Variants in RGS20 observed in about 807,000 individuals in gnomAD.
RGS20 encodes gz-selective GTPase-activating protein.
In RGS20, 30 loss-of-function variants were observed where a neutral mutation model predicts 33.6. The ratio of observed to expected loss-of-function variants is 0.89; its 90% CI spans 0.67 to 1.21. The LOEUF (loss-of-function observed/expected upper bound fraction) is 1.21. RGS20 is among the 50% of genes most tolerant of loss of function. The pLI, the probability that RGS20 is intolerant of heterozygous loss-of-function variation, is 0.00. For synonymous variants in RGS20, 208 were observed against 197.9 expected (o/e 1.05, Z -0.43); for missense variants, 472 against 502.4 (o/e 0.94, Z 0.58).
intron 2 of RGS20, among the ~76,000 whole-genome samples, chr8:53,888,081 T>G (rs1199868443): frequency 6.6e-6 from 1 of 152,226 alleles, no homozygotes; most frequent in African/African-American, 2.4e-5. Context: ...CATTGTGTTT[T>G]TACAAATACT....
At chr8:53,954,426 G>A (rs552443544) in intron 5 of RGS20, 116 bp downstream of exon 4, 9 of 657,844 alleles carry the variant, frequency 1.4e-5, no homozygotes, top group Admixed American at 1.2e-4. Flanking sequence ...CACTTTGGGA[G>A]GCTGAGGCGG....
At chr8:53,868,678 A>G (rs1788473610) in intron 1 of RGS20, among the ~76,000 whole-genome samples, 1 of 151,974 alleles carries the variant, frequency 6.6e-6, no homozygotes, top group Non-Finnish European at 1.5e-5. Context: ...ATGTATGTCT[A>G]TATTAGATAT....
chr8:53,956,516 A>C (rs566385260), intron 5 of RGS20, among the ~76,000 whole-genome samples: 11 of 152,332 alleles, frequency 7.2e-5, no homozygotes, highest in African/African-American at 2.6e-4. Context: ...GTGAGGGCCT[A>C]GCTAGGCCAG....
chr8:53,884,235 A>G (rs1812476607), intron 2 of RGS20, among the ~76,000 whole-genome samples: 1 of 123,622 alleles, frequency 8.1e-6, no homozygotes, highest in Non-Finnish European at 1.6e-5. Flanking sequence ...TCACTCTCTC[A>G]CCCAGGCTGG....
At chr8:53,879,803 G>T (rs1424829959) in intron 2 of RGS20, 5 of 476,400 alleles carry the variant, frequency 1.0e-5, no homozygotes, top group Non-Finnish European at 1.4e-5. Context: ...CTCCCCGCGG[G>T]AAGACACTCC....
chr8:53,853,924 G>A (rs1196338399), intron 1 of RGS20, among the ~76,000 whole-genome samples: 4 of 152,208 alleles, frequency 2.6e-5, no homozygotes, highest in African/African-American at 9.7e-5. Context: ...AGTGAAAGCA[G>A]TGAAATCTAA....
At chr8:53,864,021 T>G (rs143600764) in intron 1 of RGS20, among the ~76,000 whole-genome samples, 1 of 152,176 alleles carries the variant, frequency 6.6e-6, no homozygotes, top group Non-Finnish European at 1.5e-5. Flanking sequence ...CATTTTATCT[T>G]CTATAAAATC....
At position 53,954,264 on chromosome 8, in the gene RGS20, C is replaced by T; in HGVS notation, c.932C>T (p.Ala311Val). ...AATAAAAACATTATTGAAGAGAAAG[C>T]AAGGATAATCTATGAAGACTACATT... Residue 311 changes from alanine (A) to valine (V), a missense_variant, in exon 5 of 6, where the codon GCA (alanine) becomes GTA (valine). Around this residue, in one of 3 missense-constraint regions of RGS20, gnomAD observed 125 missense variants for 169.5 expected, o/e 0.74. Transcript: ENST00000297313. The T allele has an allele frequency of 6.2e-7, 1 of 1,613,238 alleles. No homozygotes were observed. The highest frequency in any genetic ancestry group is 2.2e-5 in the East Asian group (1 of 44,880).
intron 2 of RGS20, among the ~76,000 whole-genome samples, chr8:53,907,454 C>T (rs1403485197): frequency 1.3e-4 from 20 of 151,800 alleles, no homozygotes; most frequent in African/African-American, 4.6e-4. Flanking sequence ...CATGGTGGCA[C>T]GAGCCTGTAA....
chr8:53,941,869 T>C (rs868399627), intron 3 of RGS20, among the ~76,000 whole-genome samples: 9 of 152,212 alleles, frequency 5.9e-5, no homozygotes, highest in Middle Eastern at 6.8e-3. Flanking sequence ...CCAGAAAACC[T>C]GAAAACCCTA....
At chr8:53,874,717 T>C (rs993736456) in intron 1 of RGS20, among the ~76,000 whole-genome samples, 1 of 152,242 alleles carries the variant, frequency 6.6e-6, no homozygotes, top group Non-Finnish European at 1.5e-5. Context: ...GGGCAGTGGA[T>C]GCATCAACCC....
chr8:53,924,606 G>A (rs1242577895), intron 2 of RGS20, among the ~76,000 whole-genome samples: 1 of 152,176 alleles, frequency 6.6e-6, no homozygotes, highest in African/African-American at 2.4e-5. Context: ...TAACAGGCAT[G>A]AGCCACCATG....
Position 53,915,580 on chromosome 8 carries a change from G to A in RGS20, c.511-23996G>A, listed in dbSNP as rs545065838. Among the ~76,000 whole-genome samples, 3 of 152,236 alleles carry A rather than the reference G, an allele frequency of 2.0e-5. No homozygotes were observed. In the South Asian group the frequency reaches 6.2e-4, roughly 32 times the overall value. On this transcript the variant is annotated intron_variant, in intron 2 of 5. Transcript: ENST00000297313. ...GTCTCCCATGGAAAAACTCACCCAT[G>A]CATGCAGCTGGGTCGCTTCCCTTTT...
intron 2 of RGS20, among the ~76,000 whole-genome samples, chr8:53,914,342 T>C (rs1813426669): frequency 6.6e-6 from 1 of 152,234 alleles, no homozygotes; most frequent in South Asian, 2.1e-4. Flanking sequence ...AATCCAATTT[T>C]AGGTTCTTAA....
At chr8:53,892,566 G>T (rs550053281) in intron 2 of RGS20, among the ~76,000 whole-genome samples, 1 of 152,310 alleles carries the variant, frequency 6.6e-6, no homozygotes, top group Non-Finnish European at 1.5e-5. Flanking sequence ...TAAAAAGCAT[G>T]AGTATTGGAA....
At chr8:53,884,655 C>G (rs889448075) in intron 2 of RGS20, among the ~76,000 whole-genome samples, 8 of 152,212 alleles carry the variant, frequency 5.3e-5, no homozygotes, top group African/African-American at 1.9e-4. Context: ...ACTTCTGACT[C>G]ATTCCCCAGG....
At chr8:53,873,917 G>A (rs1010901109) in intron 1 of RGS20, among the ~76,000 whole-genome samples, 2 of 152,162 alleles carry the variant, frequency 1.3e-5, no homozygotes, top group Non-Finnish European at 2.9e-5. Flanking sequence ...TCTGGAGCCG[G>A]GATGGGTGCA....
Position 53,958,457 on chromosome 8 carries a change from AG to A in RGS20, c.*1del. 2 of 1,434,762 alleles carry A rather than the reference AG, an allele frequency of 1.4e-6. No homozygotes were observed. Among genetic ancestry groups the A allele is most frequent in the South Asian group, 1.7e-5 (1 of 58,674 alleles). The allele number at this position is 1,434,762 out of a possible 1,614,324, so 88.9% of individuals were successfully genotyped here. On this transcript the variant is annotated frameshift_variant and stop_lost, in exon 6 of 6. Coordinates refer to ENST00000297313, the MANE Select transcript of RGS20 (RefSeq NM_170587.4). LOFTEE classifies it high-confidence loss of function. ...TTATCGGAGAAATCTATTGAAGCATAGGATTTTTCAAATATATTTATTATTA... is the reference window on the plus strand; with the variant it reads ...TTATCGGAGAAATCTATTGAAGCATAGATTTTTCAAATATATTTATTATTA...
intron 2 of RGS20, among the ~76,000 whole-genome samples, chr8:53,930,748 C>G (rs923705078): frequency 2.0e-5 from 3 of 152,022 alleles, no homozygotes; most frequent in African/African-American, 4.8e-5. Context: ...AGGGTTTTAC[C>G]ATGTTGGCCG....
Sources: allele counts gnomAD v4.1 joint callset (sites outside exome capture counted in the v4.1 genomes callset), GRCh38; gene constraint gnomAD v4.1.1; regional missense constraint gnomAD v4.1.1; transcripts MANE v1.5; gene names NCBI Gene and HGNC (gene_info 2026-07-23, HGNC 2026-07-21).